USP34: variants seen among roughly 807,000 people sequenced by gnomAD.
USP34 encodes ubiquitin specific peptidase 34.
USP34 carries 70 observed loss-of-function variants against 460.3 expected under a neutral mutation model. The ratio of observed to expected loss-of-function variants is 0.15; its 90% confidence interval spans 0.13 to 0.19. The LOEUF (loss-of-function observed/expected upper bound fraction) is 0.19. USP34 is among the 10% of genes least tolerant of loss of function. The probability of loss-of-function intolerance (pLI) is 1.00; values close to 1 mark genes in which losing one functional copy is unlikely to be tolerated. For missense variants in USP34, 3,985 were observed against 4,236.2 expected (o/e 0.94, Z 1.65); for synonymous variants, 1,647 against 1,405.3 (o/e 1.17, Z -3.85).
intron 5 of USP34, among the ~76,000 whole-genome samples, chr2:61,389,937 G>A (rs937003385): frequency 4.6e-5 from 7 of 151,870 alleles, no homozygotes; most frequent in Non-Finnish European, 1.0e-4. Flanking sequence ...CTGACAAAGT[G>A]CAAAGTGGCA....
intron 62 of USP34, among the ~76,000 whole-genome samples, chr2:61,226,463 ACT>A (rs879679451): frequency 1.1e-4 from 16 of 151,472 alleles, no homozygotes; most frequent in Non-Finnish European, 2.1e-4. Flanking sequence ...ACACATACAC[ACT>A]CTCTCTCTCT....
intron 2 of USP34, among the ~76,000 whole-genome samples, chr2:61,415,997 G>A (rs1367155105): frequency 6.6e-6 from 1 of 152,154 alleles, no homozygotes; most frequent in Admixed American, 6.6e-5. Flanking sequence ...TCCAGGTTAG[G>A]TTTTAGAATT....
intron 10 of USP34, among the ~76,000 whole-genome samples, chr2:61,353,454 C>T (rs1048193517): frequency 4.4e-4 from 65 of 147,964 alleles, no homozygotes; most frequent in African/African-American, 1.4e-3. Context: ...TGCAGTGGTG[C>T]GATCTCAGCT....
At chr2:61,299,901 A>G (rs990455467) in intron 29 of USP34, among the ~76,000 whole-genome samples, 1 of 152,166 alleles carries the variant, frequency 6.6e-6, no homozygotes, top group Non-Finnish European at 1.5e-5. Context: ...TCAGGCATCT[A>G]TCTATCCTTC....
rs761661678 is a variant in USP34, at chr2:61,350,342, T to G, written c.1425A>C (p.Ala475=). The change falls in exon 12 of 80, where the codon GCA becomes GCC. Residue 475 remains alanine (A), a synonymous_variant. Transcript: ENST00000398571. ...TAGATAACTGAGCCTTAGCTGCTAGTGCGTTATTCCACAGTGCTTTAATTA... is the reference window on the plus strand; with the variant it reads ...TAGATAACTGAGCCTTAGCTGCTAGGGCGTTATTCCACAGTGCTTTAATTA... ...SMLIKALWNN[A]LAAKAQLSKQ... is the part of the protein sequence containing the mutation. The G allele has an allele frequency of 3.7e-6, 6 of 1,613,782 alleles. No individual in the cohort carries two copies. In the South Asian group the frequency reaches 6.6e-5, roughly 18 times the overall value.
intron 43 of USP34, chr2:61,265,124 T>G: frequency 3.7e-6 from 1 of 267,624 alleles, no homozygotes; most frequent in Non-Finnish European, 6.9e-6. Flanking sequence ...AGTGAATGCG[T>G]TTTTACTGAC....
At chr2:61,392,993 G>A (rs878867282) in intron 5 of USP34, among the ~76,000 whole-genome samples, 8 of 152,122 alleles carry the variant, frequency 5.3e-5, no homozygotes, top group South Asian at 4.1e-4. Context: ...AGTAACAACC[G>A]AAGTTAGTAA....
In USP34 at chr2:61,204,498, T is replaced by A; in HGVS notation, c.9258A>T (p.Pro3086=). The A allele has an allele frequency of 6.2e-7, 1 of 1,613,750 alleles. No individual in the cohort carries two copies. The highest frequency in any genetic ancestry group is 8.5e-7 in the Non-Finnish European group (1 of 1,179,638). ...NHCTYHHSNI[P]MSLGPYFPCR... ...GTACTGTGCTAGATAAATACGTACT[T>A]GGTATATTACTGTGATGGTAAGTAC... Residue 3086 remains proline, a splice_region_variant and synonymous_variant, in exon 73 of 80, where the codon CCA becomes CCT. Coordinates refer to ENST00000398571, the MANE Select transcript of USP34 (RefSeq NM_014709.4).
chr2:61,196,561 C>T (rs1686816429), intron 75 of USP34, among the ~76,000 whole-genome samples: 1 of 151,806 alleles, frequency 6.6e-6, no homozygotes, highest in South Asian at 2.1e-4. Flanking sequence ...TAGACAGTCT[C>T]ACTCTGTTGC....
intron 1 of USP34, among the ~76,000 whole-genome samples, chr2:61,428,420 G>A (rs1049892192): frequency 1.3e-5 from 2 of 152,062 alleles, no homozygotes; most frequent in African/African-American, 2.4e-5. Context: ...CCTAATCAAA[G>A]AAAAAAGTGA....
intron 39 of USP34, among the ~76,000 whole-genome samples, 190 bp from the exon 40 acceptor site, chr2:61,278,633 T>TG (rs1411652859): frequency 2.6e-5 from 4 of 152,164 alleles, no homozygotes; most frequent in African/African-American, 9.7e-5. Flanking sequence ...TAAACATCAC[T>TG]GATCATTCTA....
At chr2:61,258,312 A>ACC (rs1688776546) in intron 44 of USP34, among the ~76,000 whole-genome samples, 12 of 152,202 alleles carry the variant, frequency 7.9e-5, no homozygotes, top group Admixed American at 7.9e-4. Context: ...TGACAGAGTG[A>ACC]GACCCTGCCT....
intron 1 of USP34, among the ~76,000 whole-genome samples, chr2:61,437,619 A>T (rs1573041034): frequency 6.6e-6 from 1 of 151,956 alleles, no homozygotes; most frequent in Admixed American, 6.6e-5. Context: ...TAAAAATACA[A>T]AAAATTAGCC....
intron 18 of USP34, among the ~76,000 whole-genome samples, chr2:61,338,966 T>G (rs1027349727): frequency 1.3e-5 from 2 of 152,226 alleles, no homozygotes; most frequent in Non-Finnish European, 2.9e-5. Context: ...TCAAAGTGTT[T>G]ATGTTGTAGC....
At chr2:61,396,834 G>C (rs1693546077) in intron 3 of USP34, among the ~76,000 whole-genome samples, 1 of 152,102 alleles carries the variant, frequency 6.6e-6, no homozygotes, top group South Asian at 2.1e-4. Context: ...GGGATCTTTG[G>C]GGGATGATGG....
chr2:61,350,769 T>A, intron 10 of USP34, 76 bp from the exon 11 acceptor site: 1 of 1,482,454 alleles, frequency 6.7e-7, no homozygotes, highest in Non-Finnish European at 9.0e-7. Flanking sequence ...AAAAACAGTT[T>A]GAAAGTCAAA....
rs568538155 is a variant in USP34, at chr2:61,382,091, T to C, written c.821+1178A>G. On this transcript the variant is annotated intron_variant, in intron 6 of 79. Coordinates refer to ENST00000398571, the MANE Select transcript of USP34 (RefSeq NM_014709.4). ...TCATTAACAATCCTACTGTAAGTAA[T>C]CATCACTTTCCTTCCAGGACTAATA... Among the ~76,000 whole-genome samples, 17 of 152,302 alleles carry C rather than the reference T, an allele frequency of 1.1e-4. No individual in the cohort carries two copies. In the East Asian group the frequency reaches 3.3e-3, roughly 29 times the overall value.
chr2:61,245,322 C>A, intron 50 of USP34, 34 bp from the exon 51 acceptor site: 1 of 1,258,228 alleles, frequency 7.9e-7, no homozygotes, highest in Non-Finnish European at 1.1e-6. Flanking sequence ...ATCTAGTATG[C>A]ATATAATGAG....
At chr2:61,190,010 C>A in intron 78 of USP34, 2 of 341,326 alleles carry the variant, frequency 5.9e-6, no homozygotes, top group Non-Finnish European at 1.0e-5. Context: ...ATATACCCAA[C>A]TAGAGATAAG....
Sources: allele counts gnomAD v4.1 joint callset (sites outside exome capture counted in the v4.1 genomes callset), GRCh38; gene constraint gnomAD v4.1.1; transcripts MANE v1.5; gene names NCBI Gene and HGNC (gene_info 2026-07-23, HGNC 2026-07-21).